Variants in SCN2A observed in about 807,000 individuals in gnomAD.
The protein encoded by SCN2A is sodium voltage-gated channel alpha subunit 2, also known as sodium channel protein type 2 subunit alpha.
Under a neutral mutation model 188.7 loss-of-function variants are expected in SCN2A, and 20 were observed. The observed-to-expected ratio is 0.11, with a 90% CI of 0.07 to 0.15. The LOEUF is 0.15. SCN2A is among the 10% of genes least tolerant of loss of function. SCN2A has a pLI of 1.00. For synonymous variants in SCN2A, 804 were observed against 833.1 expected (o/e 0.97, Z 0.60); for missense variants, 1,278 against 2,445.0 (o/e 0.52, Z 10.07).
chr2:165,258,574 C>G (rs1241882851), intron 1 of SCN2A, among the ~76,000 whole-genome samples: 1 of 152,154 alleles, frequency 6.6e-6, no homozygotes, highest in Non-Finnish European at 1.5e-5. Context: ...CCAGCAACCC[C>G]ATAATTGGGT....
intron 1 of SCN2A, among the ~76,000 whole-genome samples, chr2:165,261,889 G>A (rs1694611981): frequency 6.6e-6 from 1 of 152,142 alleles, no homozygotes; most frequent in South Asian, 2.1e-4. Flanking sequence ...AATGAAAATG[G>A]CTTTTGAGTG....
intron 23 of SCN2A, among the ~76,000 whole-genome samples, chr2:165,378,780 GA>G (rs747956489): frequency 7.1e-5 from 8 of 112,740 alleles, no homozygotes; most frequent in Non-Finnish European, 1.6e-4. Flanking sequence ...AAAACTCCTG[GA>G]ATTTCCAGCA....
At chr2:165,293,719 C>A in intron 1 of SCN2A, 1 of 444,404 alleles carries the variant, frequency 2.3e-6, no homozygotes, top group Non-Finnish European at 3.0e-6. Context: ...AAATAAAAAG[C>A]ATGAGGAGAA....
chr2:165,381,498 C>T (rs1170459337), intron 25 of SCN2A, among the ~76,000 whole-genome samples: 1 of 143,302 alleles, frequency 7.0e-6, no homozygotes, highest in Non-Finnish European at 1.6e-5. Flanking sequence ...CTAATAACAT[C>T]AAAAATAAAA....
At chr2:165,242,639 T>C (rs1032487635) in intron 1 of SCN2A, among the ~76,000 whole-genome samples, 3 of 152,106 alleles carry the variant, frequency 2.0e-5, no homozygotes, top group Admixed American at 6.6e-5. Context: ...AGAGATAACA[T>C]TTTATACCTG....
intron 1 of SCN2A, among the ~76,000 whole-genome samples, chr2:165,244,771 G>A (rs1240511085): frequency 4.6e-5 from 7 of 152,192 alleles, no homozygotes; most frequent in African/African-American, 1.7e-4. Context: ...TAAGTCTTTT[G>A]CTGGTATCTA....
intron 16 of SCN2A, among the ~76,000 whole-genome samples, chr2:165,350,638 A>C (rs1190304048): frequency 2.1e-5 from 3 of 143,136 alleles, no homozygotes; most frequent in Admixed American, 1.4e-4. Context: ...ACACCCGGCC[A>C]ATTTTTTGTA....
intron 3 of SCN2A, among the ~76,000 whole-genome samples, chr2:165,306,826 G>A (rs992851024): frequency 6.6e-6 from 1 of 152,052 alleles, no homozygotes; most frequent in Non-Finnish European, 1.5e-5. Context: ...CATTAGGAGT[G>A]AGAAAAGATA....
chr2:165,385,351 G>A (rs1043619352), intron 25 of SCN2A, among the ~76,000 whole-genome samples: 2 of 152,152 alleles, frequency 1.3e-5, no homozygotes, highest in Non-Finnish European at 2.9e-5. Context: ...AAACAAAGCA[G>A]ATACGTGCAA....
At chr2:165,368,824 A>G (rs1292037189) in intron 19 of SCN2A, among the ~76,000 whole-genome samples, 1 of 152,152 alleles carries the variant, frequency 6.6e-6, no homozygotes, top group Non-Finnish European at 1.5e-5. Flanking sequence ...ACTGCATTGG[A>G]TCTGGAGGCC....
chr2:165,367,033 A>G (rs925787093), intron 18 of SCN2A, among the ~76,000 whole-genome samples, 184 bp from the exon 19 acceptor site: 12 of 152,186 alleles, frequency 7.9e-5, no homozygotes, highest in South Asian at 4.1e-4. Context: ...AATATTTATT[A>G]AACAAATGAT....
At chr2:165,379,809 T>C (rs1701506009) in intron 23 of SCN2A, among the ~76,000 whole-genome samples, 1 of 151,758 alleles carries the variant, frequency 6.6e-6, no homozygotes, top group Non-Finnish European at 1.5e-5. Context: ...TCTATTATCA[T>C]CATCAGGGAT....
At chr2:165,364,325 A>T (rs1348207445) in intron 17 of SCN2A, among the ~76,000 whole-genome samples, 1 of 152,174 alleles carries the variant, frequency 6.6e-6, no homozygotes, top group East Asian at 1.9e-4. Context: ...CCCTTCATGT[A>T]TGCTGATCCC....
chr2:165,296,161 G>T, intron 2 of SCN2A, 71 bp downstream of exon 2: 1 of 1,474,586 alleles, frequency 6.8e-7, no homozygotes, highest in Non-Finnish European at 9.5e-7. Context: ...AGGGATGATG[G>T]TGAAGAAGGC....
intron 20 of SCN2A, 61 bp from the exon 21 acceptor site, chr2:165,373,164 G>A: frequency 6.4e-7 from 1 of 1,570,708 alleles, no homozygotes; most frequent in Non-Finnish European, 8.8e-7. Context: ...ATAGAGCAAG[G>A]CTGAACTGTG....
chr2:165,248,005 C>T (rs1158306963), intron 1 of SCN2A, among the ~76,000 whole-genome samples: 1 of 152,048 alleles, frequency 6.6e-6, no homozygotes, highest in Non-Finnish European at 1.5e-5. Context: ...TCTCTTATAT[C>T]TGACATTCAG....
At chr2:165,263,033 T>C (rs1050846002) in intron 1 of SCN2A, among the ~76,000 whole-genome samples, 27 of 152,042 alleles carry the variant, frequency 1.8e-4, no homozygotes, top group African/African-American at 5.3e-4. Flanking sequence ...TGCCCATTTA[T>C]ATATCTTCTT....
chr2:165,273,836 T>C (rs1453547407), intron 1 of SCN2A: 1 of 152,172 alleles, frequency 6.6e-6, no homozygotes, highest in Non-Finnish European at 1.5e-5. Context: ...GTCAGCCTGG[T>C]AATGAATATA....
chr2:165,319,028 G>T (rs930514207), intron 11 of SCN2A, among the ~76,000 whole-genome samples: 2 of 152,166 alleles, frequency 1.3e-5, no homozygotes, highest in Non-Finnish European at 2.9e-5. Flanking sequence ...TGTTGTGGGA[G>T]CAGTAAGTCT....
Sources: allele counts gnomAD v4.1 joint callset (sites outside exome capture counted in the v4.1 genomes callset), GRCh38; gene constraint gnomAD v4.1.1; transcripts MANE v1.5; gene names NCBI Gene and HGNC (gene_info 2026-07-23, HGNC 2026-07-21).